TENM3: variants seen among roughly 807,000 people sequenced by gnomAD.
TENM3 encodes the protein teneurin transmembrane protein 3.
Under a neutral mutation model 255.1 loss-of-function variants are expected in TENM3, and 63 were observed. That is an observed-to-expected ratio of 0.25 (90% CI 0.20 to 0.30). The LOEUF is 0.30. Ranked by LOEUF, TENM3 falls within the 10% of genes least tolerant of loss-of-function variation. The pLI is 1.00. For synonymous variants in TENM3, 1,306 were observed against 1,322.3 expected (o/e 0.99, Z 0.27); for missense variants, 2,929 against 3,461.1 (o/e 0.85, Z 3.86).
intron 1 of TENM3, among the ~76,000 whole-genome samples, chr4:182,287,544 AGTT>A (rs1392283751): frequency 6.6e-6 from 1 of 152,186 alleles, no homozygotes; most frequent in Non-Finnish European, 1.5e-5. Context: ...TAGGACAAGT[AGTT>A]GTCCTCTCCT....
chr4:182,442,207 C>G (rs2151262589), intron 3 of TENM3, among the ~76,000 whole-genome samples: 1 of 152,120 alleles, frequency 6.6e-6, no homozygotes, highest in Middle Eastern at 3.4e-3. Flanking sequence ...GTCAGAAAAT[C>G]CTGAAAAACA....
chr4:181,784,830 A>G, the TENM3 span, among the ~76,000 whole-genome samples: 1 of 152,184 alleles, frequency 6.6e-6, no homozygotes, highest in Non-Finnish European at 1.5e-5. Flanking sequence ...TTCAACGAAC[A>G]CTTACTGTTG....
intron 3 of TENM3, among the ~76,000 whole-genome samples, chr4:182,389,787 G>T (rs906858795): frequency 2.6e-5 from 4 of 151,310 alleles, no homozygotes; most frequent in Non-Finnish European, 5.9e-5. Context: ...CCGGGTTCGC[G>T]CCATTCTCCT....
intron 1 of TENM3, among the ~76,000 whole-genome samples, chr4:182,152,638 C>G (rs1284092975): frequency 1.3e-5 from 2 of 151,664 alleles, no homozygotes; most frequent in Non-Finnish European, 3.0e-5. Flanking sequence ...GCTGATTTGC[C>G]AGTAAGATTT....
chr4:182,441,134 G>GTA (rs1772448513), intron 3 of TENM3, among the ~76,000 whole-genome samples: 2 of 151,990 alleles, frequency 1.3e-5, no homozygotes, highest in African/African-American at 4.8e-5. Flanking sequence ...ATCTGGGAGG[G>GTA]TATCACAAAA....
chr4:181,714,094 T>G, the TENM3 span, among the ~76,000 whole-genome samples: 1 of 152,188 alleles, frequency 6.6e-6, no homozygotes. Context: ...GAAAACACTT[T>G]GGGAAACACT....
At chr4:181,849,930 T>TTCTCTC in the TENM3 span, among the ~76,000 whole-genome samples, 192 of 84,064 alleles carry the variant, frequency 2.3e-3, 11 homozygotes, top group South Asian at 4.4e-3. Flanking sequence ...CTCTCTCTCT[T>TTCTCTC]TCTCTCTCTC....
Position 182,290,279 on chromosome 4 carries a change from C to T in TENM3, c.-75-33667C>T, listed in dbSNP as rs756911589. Among the ~76,000 whole-genome samples, 48 of 152,154 alleles carry T rather than the reference C, an allele frequency of 3.2e-4. 1 individual carries two copies. The highest frequency in any genetic ancestry group is 2.1e-4 in the South Asian group (1 of 4,824). The stretch of plus-strand genomic sequence containing the variant: ...GCTGGCACTTTACCTACTTCCTCCC[C>T]GTACTGCTTTCAGGGCAGCCCCAGA... On this transcript the variant is annotated intron_variant, in intron 1 of 27. Transcript: ENST00000511685.
the TENM3 span, among the ~76,000 whole-genome samples, chr4:181,900,788 C>G: frequency 6.6e-6 from 1 of 152,182 alleles, no homozygotes; most frequent in East Asian, 1.9e-4. Context: ...TCCTTTCCCC[C>G]GGAGCACAAG....
chr4:182,201,095 G>A (rs921499532), intron 1 of TENM3, among the ~76,000 whole-genome samples: 3 of 152,204 alleles, frequency 2.0e-5, no homozygotes, highest in East Asian at 1.9e-4. Context: ...AAAGTTCTAG[G>A]ATTATAGGTG....
At chr4:182,783,280 G>A (rs1033488014) in intron 24 of TENM3, among the ~76,000 whole-genome samples, 10 of 151,924 alleles carry the variant, frequency 6.6e-5, no homozygotes, top group African/African-American at 2.4e-4. Flanking sequence ...GCATTTGCTT[G>A]TCTGCAAAGT....
chr4:182,734,379 G>A (rs772935616), intron 16 of TENM3, among the ~76,000 whole-genome samples: 3 of 152,136 alleles, frequency 2.0e-5, no homozygotes, highest in Non-Finnish European at 4.4e-5. Flanking sequence ...TAGGTGATGC[G>A]GAACCAAGAC....
chr4:181,858,421 A>T, the TENM3 span, among the ~76,000 whole-genome samples: 3 of 152,352 alleles, frequency 2.0e-5, no homozygotes, highest in Admixed American at 2.0e-4. Context: ...GAGGCACATC[A>T]GATGCTGGGC....
rs1756734380 is a variant in TENM3, at chr4:182,688,173, T to C, written c.2043T>C (p.Cys681=). ...WTGPDCSNEI[C]SVDCGSHGVC... is the part of the protein sequence containing the mutation. ...CCTCTTCCTCCCACATAGAAATATG[T>C]TCTGTGGACTGTGGCTCACACGGCG... The change falls in exon 12 of 28, where the codon TGT becomes TGC. Residue 681 remains cysteine, a synonymous_variant. Transcript: ENST00000511685. 1 of 1,605,682 alleles carries C rather than the reference T, an allele frequency of 6.2e-7. No individual in the cohort carries two copies. The highest frequency in any genetic ancestry group is 8.5e-7 in the Non-Finnish European group (1 of 1,175,488).
At chr4:182,235,095 C>G (rs1337431859) in intron 1 of TENM3, among the ~76,000 whole-genome samples, 1 of 152,172 alleles carries the variant, frequency 6.6e-6, no homozygotes, top group Non-Finnish European at 1.5e-5. Flanking sequence ...TATTCCCCCA[C>G]TCTGCCCCGC....
chr4:182,201,975 G>T (rs1754211308), intron 1 of TENM3, among the ~76,000 whole-genome samples: 1 of 152,176 alleles, frequency 6.6e-6, no homozygotes, highest in Admixed American at 6.5e-5. Context: ...AGTCTCCAAA[G>T]TTCTTTATGT....
At chr4:182,667,948 T>C (rs1754856911) in intron 6 of TENM3, among the ~76,000 whole-genome samples, 1 of 144,688 alleles carries the variant, frequency 6.9e-6, no homozygotes, top group African/African-American at 2.5e-5. Context: ...TAAAGTATAA[T>C]AAATACATAA....
At chr4:182,361,856 T>C (rs1766016945) in intron 3 of TENM3, among the ~76,000 whole-genome samples, 1 of 152,186 alleles carries the variant, frequency 6.6e-6, no homozygotes, top group Admixed American at 6.5e-5. Context: ...TTTTATCTAC[T>C]TTTGGTCTTT....
chr4:182,250,601 T>C (rs1757952087), intron 1 of TENM3, among the ~76,000 whole-genome samples: 1 of 152,190 alleles, frequency 6.6e-6, no homozygotes, highest in Non-Finnish European at 1.5e-5. Flanking sequence ...TGGTTCATGT[T>C]TGGACAGATC....
Sources: allele counts gnomAD v4.1 joint callset (sites outside exome capture counted in the v4.1 genomes callset), GRCh38; gene constraint gnomAD v4.1.1; transcripts MANE v1.5; gene names NCBI Gene and HGNC (gene_info 2026-07-23, HGNC 2026-07-21).